Variants in SIPA1L1 observed in about 807,000 individuals in gnomAD.
SIPA1L1 encodes signal induced proliferation associated 1 like 1, also known as signal-induced proliferation-associated 1-like protein 1.
A neutral mutation model predicts 162.7 loss-of-function variants in SIPA1L1; 26 were observed. That is an observed-to-expected ratio of 0.16 (90% CI 0.12 to 0.22). SIPA1L1 has a LOEUF of 0.22. Among genes scored for constraint, SIPA1L1 ranks in the 10% least tolerant of loss-of-function variants. The probability of loss-of-function intolerance (pLI) is 1.00; values close to 1 mark genes in which losing one functional copy is unlikely to be tolerated. For synonymous variants in SIPA1L1, 829 were observed against 837.4 expected (o/e 0.99, Z 0.17); for missense variants, 1,874 against 2,241.0 (o/e 0.84, Z 3.31).
intron 4 of SIPA1L1, among the ~76,000 whole-genome samples, chr14:71,562,490 G>A (rs533389980): frequency 6.6e-6 from 1 of 151,986 alleles, no homozygotes; most frequent in South Asian, 2.1e-4. Context: ...CTTCATTTGT[G>A]TACATCAATA....
At chr14:71,422,305 T>A (rs1216072705) in intron 2 of SIPA1L1, among the ~76,000 whole-genome samples, 1 of 152,216 alleles carries the variant, frequency 6.6e-6, no homozygotes, top group Non-Finnish European at 1.5e-5. Context: ...TGTTGCTTTT[T>A]CCTTTTTTAA....
intron 4 of SIPA1L1, among the ~76,000 whole-genome samples, chr14:71,565,026 T>C (rs1382467815): frequency 6.6e-6 from 1 of 152,232 alleles, no homozygotes; most frequent in African/African-American, 2.4e-5. Flanking sequence ...ACAAAAATTT[T>C]AAGTTGGTGA....
intron 19 of SIPA1L1, among the ~76,000 whole-genome samples, chr14:71,729,698 G>A (rs1439170947): frequency 2.0e-5 from 3 of 152,156 alleles, no homozygotes; most frequent in Non-Finnish European, 4.4e-5. Flanking sequence ...TGAGGAATTA[G>A]ACTCAGAGAG....
At chr14:71,398,423 T>C (rs1275283557) in intron 2 of SIPA1L1, 2 of 152,212 alleles carry the variant, frequency 1.3e-5, no homozygotes, top group African/African-American at 4.8e-5. Flanking sequence ...AATTGTAGCA[T>C]TTTCTTTTGC....
At chr14:71,347,265 TGTA>T (rs538178355) in intron 2 of SIPA1L1, among the ~76,000 whole-genome samples, 6 of 152,042 alleles carry the variant, frequency 3.9e-5, no homozygotes, top group Non-Finnish European at 7.4e-5. Flanking sequence ...CCAAACAAAA[TGTA>T]GTATTTTGTG....
chr14:71,446,906 G>GTTTT (rs1189940440), intron 2 of SIPA1L1, among the ~76,000 whole-genome samples: 931 of 53,086 alleles, frequency 0.018, 66 homozygotes, highest in Non-Finnish European at 0.022. Context: ...TTTTTTTTTT[G>GTTTT]TTTTTTTTTT....
rs2054656996 is a variant in SIPA1L1 at position 71,543,473 on chromosome 14, C to T, written c.-303+14103C>T. On this transcript the variant is annotated intron_variant, in intron 4 of 23. Coordinates refer to ENST00000381232, the MANE Select transcript of SIPA1L1 (RefSeq NM_001386936.1). ...TGTAAGAAACTGCCCAACTGTTTTT[C>T]TGAAATGGCTGTGCCATGTTATAGT... Among the ~76,000 whole-genome samples, 3 of 152,152 alleles carry T rather than the reference C, an allele frequency of 2.0e-5. No individual in the cohort carries two copies. In the South Asian group the frequency reaches 6.2e-4, roughly 32 times the overall value.
At chr14:71,481,987 T>C (rs1026311699) in intron 2 of SIPA1L1, among the ~76,000 whole-genome samples, 4 of 152,240 alleles carry the variant, frequency 2.6e-5, no homozygotes, top group Admixed American at 2.0e-4. Flanking sequence ...GCTTTTAGTA[T>C]TTATTTTCCA....
intron 7 of SIPA1L1, among the ~76,000 whole-genome samples, chr14:71,638,329 A>G (rs1288931656): frequency 6.6e-6 from 1 of 152,192 alleles, no homozygotes; most frequent in Admixed American, 6.5e-5. Flanking sequence ...GTAGAAAAAA[A>G]TTTTGTAGAC....
intron 2 of SIPA1L1, among the ~76,000 whole-genome samples, chr14:71,464,656 A>G (rs1416065453): frequency 6.6e-6 from 1 of 151,872 alleles, no homozygotes; most frequent in Non-Finnish European, 1.5e-5. Flanking sequence ...ACAAAACAAA[A>G]CAAAACAAAA....
intron 2 of SIPA1L1, chr14:71,448,774 G>A (rs1240194761): frequency 6.6e-6 from 1 of 152,196 alleles, no homozygotes; most frequent in Non-Finnish European, 1.5e-5. Context: ...ATAAGCTGTA[G>A]TGCTCTATGC....
chr14:71,476,384 A>C (rs925949322), intron 2 of SIPA1L1, among the ~76,000 whole-genome samples: 1 of 152,212 alleles, frequency 6.6e-6, no homozygotes, highest in African/African-American at 2.4e-5. Context: ...TCTTGCTGTT[A>C]AACAGTCATA....
At chr14:71,649,693 CTT>C (rs1199933294) in intron 7 of SIPA1L1, among the ~76,000 whole-genome samples, 4 of 152,266 alleles carry the variant, frequency 2.6e-5, no homozygotes, top group African/African-American at 9.6e-5. Context: ...TGTGAGGCCT[CTT>C]TTAAAGTTTC....
chr14:71,664,363 C>A (rs980582034), intron 10 of SIPA1L1, among the ~76,000 whole-genome samples: 1 of 151,682 alleles, frequency 6.6e-6, no homozygotes, highest in African/African-American at 2.4e-5. Flanking sequence ...TAATTTTATC[C>A]CTAAGTGATA....
At chr14:71,728,670 T>A (rs2084461146) in intron 19 of SIPA1L1, among the ~76,000 whole-genome samples, 1 of 152,236 alleles carries the variant, frequency 6.6e-6, no homozygotes, top group African/African-American at 2.4e-5. Context: ...AATCATTCTC[T>A]CTCTGCCCCT....
intron 2 of SIPA1L1, among the ~76,000 whole-genome samples, chr14:71,401,258 G>A (rs1436925167): frequency 6.6e-6 from 1 of 152,064 alleles, no homozygotes; most frequent in African/African-American, 2.4e-5. Flanking sequence ...TAGTTTCCAA[G>A]GGTGTTCTTC....
At chr14:71,596,415 C>A (rs2036035849) in intron 5 of SIPA1L1, among the ~76,000 whole-genome samples, 2 of 152,254 alleles carry the variant, frequency 1.3e-5, no homozygotes, top group African/African-American at 4.8e-5. Context: ...AATCCTATTT[C>A]TTGTGACCGA....
At chr14:71,641,826 A>T (rs1192214929) in intron 7 of SIPA1L1, among the ~76,000 whole-genome samples, 1 of 152,246 alleles carries the variant, frequency 6.6e-6, no homozygotes. Flanking sequence ...AAATGTAGGC[A>T]AAACTAATTT....
chr14:71,686,088 AC>A lies in SIPA1L1; in HGVS notation c.3374+458del, dbSNP rs553811619. Among the ~76,000 whole-genome samples the A allele has an allele frequency of 5.2e-3, 787 of 152,346 alleles. 4 individuals are homozygous for A. Among genetic ancestry groups the A allele is most frequent in the Non-Finnish European group, 7.5e-3 (512 of 68,034 alleles). On this transcript the variant is annotated intron_variant, in intron 13 of 23. Transcript: ENST00000381232. ...TAATAAAGGATTATGCGGAAGGAAA[AC>A]TAGTATAACACAAACATATTTTTCA... is the stretch of plus-strand genomic sequence containing the variant.
Sources: allele counts gnomAD v4.1 joint callset (sites outside exome capture counted in the v4.1 genomes callset), GRCh38; gene constraint gnomAD v4.1.1; transcripts MANE v1.5; gene names NCBI Gene and HGNC (gene_info 2026-07-23, HGNC 2026-07-21).